GPC6: variants seen among roughly 807,000 people sequenced by gnomAD.
GPC6 encodes glypican 6.
A neutral mutation model predicts 55.2 loss-of-function variants in GPC6; 14 were observed. The ratio of observed to expected loss-of-function variants is 0.25; its 90% CI spans 0.17 to 0.40. The LOEUF (loss-of-function observed/expected upper bound fraction) is 0.40. GPC6 is among the 10% of genes least tolerant of loss of function. The pLI is 1.00. For synonymous variants in GPC6, 278 were observed against 259.6 expected (o/e 1.07, Z -0.68); for missense variants, 641 against 708.5 (o/e 0.90, Z 1.08).
At chr13:94,069,941 G>A (rs575376734) in intron 4 of GPC6, among the ~76,000 whole-genome samples, 1 of 152,242 alleles carries the variant, frequency 6.6e-6, no homozygotes, top group South Asian at 2.1e-4. Context: ...CTGTTACCCA[G>A]TTCCAAAGTT....
chr13:94,169,293 C>T (rs899881899), intron 4 of GPC6, among the ~76,000 whole-genome samples: 1 of 152,132 alleles, frequency 6.6e-6, no homozygotes, highest in East Asian at 1.9e-4. Context: ...GGAAAATGAA[C>T]GCAGAGTGAG....
intron 1 of GPC6, among the ~76,000 whole-genome samples, chr13:93,272,492 G>GTGTATATATATATATATA (rs1429769672): frequency 7.3e-6 from 1 of 137,176 alleles, no homozygotes; most frequent in African/African-American, 2.7e-5. Context: ...TTGTCTGTGT[G>GTGTATATATATATATATA]TATATATATA....
intron 6 of GPC6, among the ~76,000 whole-genome samples, chr13:94,320,635 C>T (rs141272730): frequency 1.7e-3 from 261 of 152,226 alleles, no homozygotes; most frequent in Non-Finnish European, 3.2e-3. Context: ...CTGTCCTTGC[C>T]CACCCTGCAA....
chr13:93,865,218 CT>C (rs911286428), intron 3 of GPC6, among the ~76,000 whole-genome samples: 1 of 151,576 alleles, frequency 6.6e-6, no homozygotes, highest in African/African-American at 2.4e-5. Context: ...GATAAAATTG[CT>C]ATTATAATCA....
chr13:94,157,558 A>G (rs1593998849), intron 4 of GPC6, among the ~76,000 whole-genome samples: 1 of 152,108 alleles, frequency 6.6e-6, no homozygotes, highest in Non-Finnish European at 1.5e-5. Context: ...GACTGGCAGG[A>G]GCATAGAGGT....
At chr13:93,688,458 T>TA (rs1882129947) in intron 2 of GPC6, among the ~76,000 whole-genome samples, 1 of 152,090 alleles carries the variant, frequency 6.6e-6, no homozygotes, top group African/African-American at 2.4e-5. Flanking sequence ...GAGCGTTAGA[T>TA]ATGTGTGCAC....
chr13:93,777,191 C>T (rs947672430), intron 2 of GPC6, among the ~76,000 whole-genome samples: 16 of 152,150 alleles, frequency 1.1e-4, no homozygotes, highest in Admixed American at 7.2e-4. Context: ...TCTCACACAG[C>T]GGTTGAAACA....
intron 6 of GPC6, among the ~76,000 whole-genome samples, chr13:94,367,274 C>T (rs1028257317): frequency 6.6e-6 from 1 of 152,176 alleles, no homozygotes; most frequent in African/African-American, 2.4e-5. Context: ...TTTGAGGTAC[C>T]TTGCTGCAAA....
At chr13:93,955,945 C>T (rs1450610212) in intron 3 of GPC6, among the ~76,000 whole-genome samples, 2 of 152,102 alleles carry the variant, frequency 1.3e-5, no homozygotes, top group East Asian at 1.9e-4. Context: ...TTTCTGCCTT[C>T]ATCTACCCCA....
intron 4 of GPC6, among the ~76,000 whole-genome samples, chr13:94,275,968 A>T (rs1040704589): frequency 7.2e-5 from 11 of 152,234 alleles, no homozygotes. Context: ...AGATATTGTC[A>T]TGTATTGCTG....
chr13:94,213,487 G>A (rs1890142506), intron 4 of GPC6, among the ~76,000 whole-genome samples: 1 of 152,090 alleles, frequency 6.6e-6, no homozygotes, highest in Admixed American at 6.6e-5. Flanking sequence ...ATAATTTTTG[G>A]GATCAGCTTT....
intron 4 of GPC6, among the ~76,000 whole-genome samples, chr13:94,054,559 C>G (rs1377135641): frequency 6.6e-6 from 1 of 152,180 alleles, no homozygotes; most frequent in Non-Finnish European, 1.5e-5. Context: ...TTGACACCTC[C>G]TGGCGGCCAG....
intron 1 of GPC6, among the ~76,000 whole-genome samples, chr13:93,386,637 C>T (rs548165089): frequency 1.3e-5 from 2 of 152,274 alleles, no homozygotes; most frequent in South Asian, 4.1e-4. Context: ...ATAACACATG[C>T]AAATAACAAT....
At chr13:93,920,284 A>T (rs1251364233) in intron 3 of GPC6, among the ~76,000 whole-genome samples, 1 of 152,018 alleles carries the variant, frequency 6.6e-6, no homozygotes, top group Non-Finnish European at 1.5e-5. Flanking sequence ...AAATGAGAGC[A>T]TCCCCCAAGG....
intron 2 of GPC6, among the ~76,000 whole-genome samples, chr13:93,553,050 G>A (rs1875242716): frequency 6.6e-6 from 1 of 152,176 alleles, no homozygotes. Context: ...TGGTTCAACT[G>A]CATAGTGTGC....
At chr13:93,310,377 T>A (rs1254968871) in intron 1 of GPC6, among the ~76,000 whole-genome samples, 1 of 152,208 alleles carries the variant, frequency 6.6e-6, no homozygotes, top group Non-Finnish European at 1.5e-5. Flanking sequence ...GGGTTTTGAC[T>A]TTTTTGTTGA....
At chr13:93,278,220 A>G (rs967727539) in intron 1 of GPC6, among the ~76,000 whole-genome samples, 3 of 152,296 alleles carry the variant, frequency 2.0e-5, no homozygotes, top group Admixed American at 2.0e-4. Flanking sequence ...ATTCAGTTTC[A>G]TTGTGTGAGC....
intron 2 of GPC6, among the ~76,000 whole-genome samples, chr13:93,795,859 T>C (rs140636599): frequency 2.4e-3 from 367 of 152,102 alleles, no homozygotes; most frequent in Middle Eastern, 0.014. Flanking sequence ...GGGGAAGTAT[T>C]TTGAAAAGTT....
At chr13:94,212,280 T>A (rs371468125) in intron 4 of GPC6, among the ~76,000 whole-genome samples, 3 of 150,948 alleles carry the variant, frequency 2.0e-5, no homozygotes, top group Non-Finnish European at 4.5e-5. Flanking sequence ...CTTGGCCTGC[T>A]ATGGTAGTCT....
Sources: gnomAD v4.1 joint callset for allele counts (sites outside exome capture counted in the v4.1 genomes callset) on GRCh38, gnomAD v4.1.1 for gene constraint, MANE v1.5 for transcripts, NCBI Gene and HGNC (gene_info 2026-07-23, HGNC 2026-07-21) for gene names.